Variants in XPNPEP3 observed in about 807,000 individuals in gnomAD.
XPNPEP3 encodes xaa-Pro aminopeptidase 3.
A neutral mutation model predicts 60.0 loss-of-function variants in XPNPEP3; 41 were observed. That is an observed-to-expected ratio of 0.68 (90% CI 0.53 to 0.89). The LOEUF is 0.89. Among genes scored for constraint, XPNPEP3 ranks in the 40% least tolerant of loss-of-function variants. The probability of loss-of-function intolerance (pLI) is 0.00; values close to 1 mark genes in which losing one functional copy is unlikely to be tolerated. For synonymous variants in XPNPEP3, 212 were observed against 223.2 expected (o/e 0.95, Z 0.45); for missense variants, 598 against 638.9 (o/e 0.94, Z 0.69).
chr22:40,858,591 G>A (rs577942664), intron 1 of XPNPEP3, among the ~76,000 whole-genome samples: 7 of 144,546 alleles, frequency 4.8e-5, no homozygotes, highest in African/African-American at 1.6e-4. Flanking sequence ...GTGCAGTGGC[G>A]CGATCTCTTG....
chr22:40,868,845 TA>T (rs199510231), intron 1 of XPNPEP3, among the ~76,000 whole-genome samples, 153 bp from the exon 2 acceptor site: 19 of 149,228 alleles, frequency 1.3e-4, no homozygotes, highest in Non-Finnish European at 1.9e-4. Flanking sequence ...GACTCTGTCT[TA>T]AAAAAAAAAT....
intron 6 of XPNPEP3, among the ~76,000 whole-genome samples, chr22:40,913,398 A>G (rs2058183734): frequency 6.7e-6 from 1 of 149,544 alleles, no homozygotes; most frequent in South Asian, 2.1e-4. Context: ...AGATCACACC[A>G]CTGCACTCCA....
chr22:40,867,188 T>C (rs1269410592), intron 1 of XPNPEP3, among the ~76,000 whole-genome samples: 2 of 152,216 alleles, frequency 1.3e-5, no homozygotes, highest in Non-Finnish European at 2.9e-5. Context: ...TTATCATCAT[T>C]ATTTTACAAA....
chr22:40,923,226 AAG>A lies in XPNPEP3; in HGVS notation c.1236+723_1236+724del, dbSNP rs959114559. ...AGGCCCTGTGTCTAAAAAAAAAAAA[AAG>A]AGAGAGAGATTAACTTTTAATCCTT... On this transcript the variant is annotated intron_variant, in intron 8 of 9. Coordinates refer to ENST00000357137, the MANE Select transcript of XPNPEP3 (RefSeq NM_022098.4). 1.1e-4 allele frequency among the ~76,000 whole-genome samples: 17 copies of A among 151,952 alleles called. No individual in the cohort carries two copies. In the East Asian group the frequency reaches 2.3e-3, roughly 21 times the overall value.
rs370470174 is a variant in XPNPEP3, at chr22:40,857,150, C to G, written c.-32C>G. On this transcript the variant is annotated 5_prime_UTR_variant, in exon 1 of 10. Coordinates refer to ENST00000357137, the MANE Select transcript of XPNPEP3 (RefSeq NM_022098.4). Reference sequence around the variant, plus strand: ...CGGTTGCGTTCCCCGTCGTTACCCTCTTTCTCTTCCCGACGCGTGAGTTAG... The same window carrying G: ...CGGTTGCGTTCCCCGTCGTTACCCTGTTTCTCTTCCCGACGCGTGAGTTAG... 6.2e-7 allele frequency: 1 copy of G among 1,613,434 alleles called. No homozygotes were observed. Among genetic ancestry groups the G allele is most frequent in the Non-Finnish European group, 8.5e-7 (1 of 1,179,696 alleles).
intron 7 of XPNPEP3, among the ~76,000 whole-genome samples, chr22:40,921,520 GATT>G (rs1188856320): frequency 6.7e-6 from 1 of 149,506 alleles, no homozygotes. Context: ...TTACAAAAAT[GATT>G]ATTTAGTAAT....
chr22:40,911,956 A>G (rs2058178738), intron 6 of XPNPEP3, among the ~76,000 whole-genome samples: 1 of 152,244 alleles, frequency 6.6e-6, no homozygotes, highest in Admixed American at 6.5e-5. Context: ...CAGAAGTTTT[A>G]TGATGATAAC....
intron 1 of XPNPEP3, chr22:40,862,291 T>G: frequency 9.3e-7 from 1 of 1,076,296 alleles, no homozygotes; most frequent in African/African-American, 1.7e-5. Flanking sequence ...TCCTCTGGAC[T>G]GTTTCCCCTG....
chr22:40,914,497 G>A (rs1201877741), intron 7 of XPNPEP3, among the ~76,000 whole-genome samples, 173 bp downstream of exon 7: 2 of 145,296 alleles, frequency 1.4e-5, no homozygotes, highest in African/African-American at 5.1e-5. Context: ...ATCACTGGAT[G>A]AGGCACATAG....
chr22:40,901,880 G>A (rs1267367356), intron 4 of XPNPEP3, among the ~76,000 whole-genome samples: 2 of 152,172 alleles, frequency 1.3e-5, no homozygotes, highest in Non-Finnish European at 2.9e-5. Flanking sequence ...TGCTTAATGG[G>A]TAAGGGATTT....
chr22:40,865,723 G>T (rs1046049937), intron 1 of XPNPEP3, among the ~76,000 whole-genome samples: 5 of 151,384 alleles, frequency 3.3e-5, no homozygotes, highest in Non-Finnish European at 5.9e-5. Flanking sequence ...TAGAGACAGG[G>T]TTTAGCCATG....
chr22:40,924,611 C>A, intron 9 of XPNPEP3, 129 bp downstream of exon 9: 2 of 1,343,480 alleles, frequency 1.5e-6, no homozygotes, highest in Non-Finnish European at 2.1e-6. Flanking sequence ...GCAACCTCCG[C>A]CCCCCAGGTT....
chr22:40,909,527 G>T (rs1162449068), intron 6 of XPNPEP3, among the ~76,000 whole-genome samples: 1 of 152,180 alleles, frequency 6.6e-6, no homozygotes, highest in Non-Finnish European at 1.5e-5. Flanking sequence ...CACTTTGAGA[G>T]GCCAAGGCGG....
intron 2 of XPNPEP3, among the ~76,000 whole-genome samples, chr22:40,873,402 C>T (rs2058015469): frequency 6.6e-6 from 1 of 151,606 alleles, no homozygotes. Flanking sequence ...CATGCCTGGC[C>T]CACTTCTTGG....
intron 4 of XPNPEP3, among the ~76,000 whole-genome samples, chr22:40,902,583 C>T (rs1211490828): frequency 6.6e-6 from 1 of 151,942 alleles, no homozygotes; most frequent in Non-Finnish European, 1.5e-5. Context: ...CGGGGTTTCA[C>T]CATGTTGGTC....
chr22:40,902,901 G>A lies in XPNPEP3; in HGVS notation c.793-4686G>A, dbSNP rs146957296. Among the ~76,000 whole-genome samples, 82 of 152,338 alleles carry A rather than the reference G, an allele frequency of 5.4e-4. No individual in the cohort carries two copies. In the South Asian group the frequency reaches 0.01, roughly 19 times the overall value. On this transcript the variant is annotated intron_variant, in intron 4 of 9. Coordinates refer to ENST00000357137, the MANE Select transcript of XPNPEP3 (RefSeq NM_022098.4). ...GTTTTTCTCCCTACGTAAGGGCTTG[G>A]TGGTTCTCTCACAGACCAGGAACCA...
chr22:40,898,225 A>T lies in XPNPEP3; in HGVS notation c.793-9362A>T, dbSNP rs1191009439. Among the ~76,000 whole-genome samples, 216 of 28,764 alleles carry T rather than the reference A, an allele frequency of 7.5e-3. 2 individuals are homozygous for T. Among genetic ancestry groups the T allele is most frequent in the South Asian group, 0.026 (19 of 742 alleles). The allele number at this position is 28,764 out of a possible 152,430, so 18.9% of individuals were successfully genotyped here. ...TGTTTTATGTTTAGGTCTTTGACCC[A>T]TTTTTTTTTTTTTTTTTTTTTTTTT... On this transcript the variant is annotated intron_variant, in intron 4 of 9. Coordinates refer to ENST00000357137, the MANE Select transcript of XPNPEP3 (RefSeq NM_022098.4).
intron 2 of XPNPEP3, among the ~76,000 whole-genome samples, chr22:40,873,505 G>A (rs894351110): frequency 6.6e-6 from 1 of 151,622 alleles, no homozygotes; most frequent in South Asian, 2.1e-4. Flanking sequence ...ACCATTTACC[G>A]TTTCATCTCT....
At chr22:40,918,186 A>G (rs2090142606) in intron 7 of XPNPEP3, among the ~76,000 whole-genome samples, 1 of 152,056 alleles carries the variant, frequency 6.6e-6, no homozygotes, top group Non-Finnish European at 1.5e-5. Context: ...AGTCTGGGCA[A>G]CACAGCAAGA....
Sources: gnomAD v4.1 joint callset for allele counts (sites outside exome capture counted in the v4.1 genomes callset) on GRCh38, gnomAD v4.1.1 for gene constraint, MANE v1.5 for transcripts, NCBI Gene and HGNC (gene_info 2026-07-23, HGNC 2026-07-21) for gene names.